Variants in CSMD1 observed in about 807,000 individuals in gnomAD.
CSMD1 encodes the protein CUB and sushi domain-containing protein 1.
Under a neutral mutation model 417.5 loss-of-function variants are expected in CSMD1, and 213 were observed. The ratio of observed to expected loss-of-function variants is 0.51; its 90% CI spans 0.46 to 0.57. The LOEUF (loss-of-function observed/expected upper bound fraction) is 0.57. Ranked by LOEUF, CSMD1 falls within the 20% of genes least tolerant of loss-of-function variation. The probability of loss-of-function intolerance (pLI) is 0.00; values close to 1 mark genes in which losing one functional copy is unlikely to be tolerated. For synonymous variants in CSMD1, 2,862 were observed against 1,736.8 expected (o/e 1.65, Z -16.11); for missense variants, 6,923 against 4,529.7 (o/e 1.53, Z -15.17).
intron 5 of CSMD1, among the ~76,000 whole-genome samples, chr8:3,886,786 CA>C (rs1806592720): frequency 6.6e-6 from 1 of 152,020 alleles, no homozygotes; most frequent in Non-Finnish European, 1.5e-5. Flanking sequence ...GATATACTGC[CA>C]AAGATTACAG....
chr8:4,896,361 G>A (rs913049279), intron 1 of CSMD1, among the ~76,000 whole-genome samples: 1 of 151,970 alleles, frequency 6.6e-6, no homozygotes, highest in Admixed American at 6.6e-5. Flanking sequence ...GCTTAACACA[G>A]GGAGCATTGC....
At chr8:3,279,327 C>T (rs1802555369) in intron 26 of CSMD1, among the ~76,000 whole-genome samples, 1 of 152,190 alleles carries the variant, frequency 6.6e-6, no homozygotes. Flanking sequence ...CCAAAATTGG[C>T]AGCAGATTTT....
chr8:4,370,236 G>T (rs1802320687), intron 3 of CSMD1, among the ~76,000 whole-genome samples: 1 of 152,068 alleles, frequency 6.6e-6, no homozygotes, highest in Non-Finnish European at 1.5e-5. Flanking sequence ...TTCTTGTTTG[G>T]AATTACTTTT....
intron 3 of CSMD1, among the ~76,000 whole-genome samples, chr8:4,238,539 T>G (rs540615932): frequency 2.0e-5 from 3 of 152,258 alleles, no homozygotes; most frequent in African/African-American, 4.8e-5. Context: ...AGGCTTGAGG[T>G]TGATTCTGCT....
At chr8:4,820,659 G>A (rs886331614) in intron 1 of CSMD1, among the ~76,000 whole-genome samples, 1 of 152,174 alleles carries the variant, frequency 6.6e-6, no homozygotes, top group Non-Finnish European at 1.5e-5. Flanking sequence ...TCAAGCCTGT[G>A]CTTTGCCATC....
intron 1 of CSMD1, among the ~76,000 whole-genome samples, chr8:4,778,520 G>A (rs1414612172): frequency 1.3e-5 from 2 of 152,136 alleles, no homozygotes; most frequent in Admixed American, 6.6e-5. Flanking sequence ...CACGGTATAA[G>A]CATACAGCAA....
At chr8:3,872,272 C>T (rs146155489) in intron 5 of CSMD1, among the ~76,000 whole-genome samples, 216 of 152,154 alleles carry the variant, frequency 1.4e-3, no homozygotes, top group Middle Eastern at 0.014. Context: ...GTGAACTGAA[C>T]GTGTCAGGTT....
At chr8:4,006,984 C>A (rs1816176143) in intron 4 of CSMD1, among the ~76,000 whole-genome samples, 1 of 151,896 alleles carries the variant, frequency 6.6e-6, no homozygotes, top group Non-Finnish European at 1.5e-5. Context: ...CACACCACCA[C>A]ACCCGGCTAA....
In CSMD1 at chr8:3,387,547, G is replaced by T. The variant is rs778028015; in HGVS notation, c.2729C>A (p.Pro910His). 1 of 1,602,024 alleles carries T rather than the reference G, an allele frequency of 6.2e-7. No individual in the cohort carries two copies. Among genetic ancestry groups the T allele is most frequent in the Non-Finnish European group, 8.5e-7 (1 of 1,174,258 alleles). The change falls in exon 18 of 70, where the codon CCC becomes CAC. Residue 910 changes from proline (P) to histidine (H), a missense_variant. By Grantham distance (77) the Pro-to-His change is moderately conservative (BLOSUM62 -2). Coordinates refer to ENST00000635120, the MANE Select transcript of CSMD1 (RefSeq NM_033225.6). ...CTGGTGGTTCCTCTCACAGACGAGG[G>T]GCTCGTCGTCACTTAGTGTGTACCC... The part of the protein sequence containing the change: ...DPGYTLSDDE[P>H]LVCERNHQWN...
At position 4,043,737 on chromosome 8, in the gene CSMD1, G is replaced by A. The variant is rs1266163868; in HGVS notation, c.416-11638C>T. Among the ~76,000 whole-genome samples the A allele has an allele frequency of 2.0e-5, 3 of 152,218 alleles. No individual in the cohort carries two copies. In the South Asian group the frequency reaches 6.2e-4, roughly 32 times the overall value. On this transcript the variant is annotated intron_variant, in intron 3 of 69. Coordinates refer to ENST00000635120, the MANE Select transcript of CSMD1 (RefSeq NM_033225.6). ...CTTAAAATAAGATTTATTACTAATA[G>A]ATACTATTGATATCTTGCTGAGCTC...
chr8:3,376,452 A>T (rs909151681), intron 18 of CSMD1, among the ~76,000 whole-genome samples: 1 of 152,014 alleles, frequency 6.6e-6, no homozygotes, highest in Admixed American at 6.5e-5. Context: ...TCTTATTCAT[A>T]ATAAAAAAGA....
At chr8:4,920,103 G>C (rs150667950) in intron 1 of CSMD1, among the ~76,000 whole-genome samples, 7 of 152,260 alleles carry the variant, frequency 4.6e-5, no homozygotes, top group African/African-American at 1.2e-4. Context: ...ACAATGTTGA[G>C]ATCAATCAAG....
At chr8:3,999,636 C>A (rs1004541188) in intron 4 of CSMD1, among the ~76,000 whole-genome samples, 1 of 152,186 alleles carries the variant, frequency 6.6e-6, no homozygotes, top group East Asian at 1.9e-4. Context: ...TGGAGTATTG[C>A]ATTTCCCATC....
At chr8:3,203,243 C>T (rs918265733) in intron 31 of CSMD1, among the ~76,000 whole-genome samples, 2 of 152,138 alleles carry the variant, frequency 1.3e-5, no homozygotes, top group African/African-American at 4.8e-5. Context: ...ATGTCAGGAG[C>T]CAGAATGCCC....
intron 3 of CSMD1, among the ~76,000 whole-genome samples, chr8:4,188,311 C>T (rs1346707380): frequency 6.6e-6 from 1 of 152,146 alleles, no homozygotes; most frequent in African/African-American, 2.4e-5. Context: ...TCAAATCGCT[C>T]ACGTGGTTTT....
chr8:3,055,529 T>C (rs1348320965), intron 49 of CSMD1, among the ~76,000 whole-genome samples: 3 of 152,208 alleles, frequency 2.0e-5, no homozygotes, highest in South Asian at 2.1e-4. Flanking sequence ...TTAGTATTCA[T>C]TCATCTCTCA....
intron 8 of CSMD1, among the ~76,000 whole-genome samples, chr8:3,587,987 T>A (rs995990321): frequency 1.3e-5 from 2 of 152,182 alleles, no homozygotes; most frequent in African/African-American, 4.8e-5. Flanking sequence ...TTGCTAGCCA[T>A]CACAGTTATT....
intron 5 of CSMD1, among the ~76,000 whole-genome samples, chr8:3,820,471 G>T (rs901986838): frequency 2.0e-5 from 3 of 152,196 alleles, no homozygotes; most frequent in Admixed American, 2.0e-4. Flanking sequence ...TTGATACCTT[G>T]TCCCACTGGA....
chr8:4,122,479 C>A (rs1032364680), intron 3 of CSMD1, among the ~76,000 whole-genome samples: 3 of 152,154 alleles, frequency 2.0e-5, no homozygotes, highest in Admixed American at 1.3e-4. Flanking sequence ...CTAAGAGACA[C>A]GTAGATTAAG....
Sources: gnomAD v4.1 joint callset for allele counts (sites outside exome capture counted in the v4.1 genomes callset) on GRCh38, gnomAD v4.1.1 for gene constraint, MANE v1.5 for transcripts, NCBI Gene and HGNC (gene_info 2026-07-23, HGNC 2026-07-21) for gene names.